SYN3: variants seen among roughly 807,000 people sequenced by gnomAD.
SYN3 encodes the protein synapsin III.
In SYN3, 35 loss-of-function variants were observed where a neutral mutation model predicts 65.8. The observed-to-expected ratio is 0.53, with a 90% CI of 0.41 to 0.70. SYN3 has a LOEUF of 0.70. Ranked by LOEUF, SYN3 falls within the 30% of genes least tolerant of loss-of-function variation. SYN3 has a pLI of 0.00. For missense variants in SYN3, 680 were observed against 749.0 expected (o/e 0.91, Z 1.08); for synonymous variants, 270 against 292.9 (o/e 0.92, Z 0.80).
chr22:32,563,606 C>A (rs952181691), intron 7 of SYN3, among the ~76,000 whole-genome samples: 1 of 152,102 alleles, frequency 6.6e-6, no homozygotes, highest in Non-Finnish European at 1.5e-5. Context: ...GCCGAGAGGA[C>A]CCTGGAAAAG....
chr22:33,034,984 T>A (rs1219879470), intron 1 of SYN3, among the ~76,000 whole-genome samples: 1 of 152,126 alleles, frequency 6.6e-6, no homozygotes, highest in African/African-American at 2.4e-5. Context: ...CCCTTCACCT[T>A]GGGAGCCCAA....
chr22:32,577,215 C>T (rs983854526), intron 7 of SYN3, among the ~76,000 whole-genome samples: 1 of 152,128 alleles, frequency 6.6e-6, no homozygotes, highest in African/African-American at 2.4e-5. Context: ...CTTGCTTGGG[C>T]CTTTATGCTT....
intron 2 of SYN3, among the ~76,000 whole-genome samples, chr22:32,988,336 ATAATAAT>A: frequency 6.9e-6 from 1 of 144,782 alleles, no homozygotes; most frequent in Non-Finnish European, 1.5e-5. Context: ...AATAATAATA[ATAATAAT>A]AATAAAATAA....
At chr22:32,676,524 CTTTCTTTTTTTTTT>C (rs2060444569) in intron 6 of SYN3, among the ~76,000 whole-genome samples, 1 of 108,546 alleles carries the variant, frequency 9.2e-6, no homozygotes, top group Non-Finnish European at 1.9e-5. Flanking sequence ...CTTTTCTTTT[CTTTCTTTTTTTTTT>C]TTTTTTTTTT....
chr22:32,563,105 A>G (rs1448568667), intron 7 of SYN3, among the ~76,000 whole-genome samples: 2 of 152,282 alleles, frequency 1.3e-5, no homozygotes, highest in Non-Finnish European at 2.9e-5. Context: ...ACCGATTGCC[A>G]TAACCTCATT....
chr22:32,535,092 C>T (rs2058141294), intron 9 of SYN3, among the ~76,000 whole-genome samples: 1 of 152,134 alleles, frequency 6.6e-6, no homozygotes, highest in Non-Finnish European at 1.5e-5. Flanking sequence ...GGTTTTAACC[C>T]ATCTTACTGA....
intron 1 of SYN3, among the ~76,000 whole-genome samples, chr22:33,043,946 G>A (rs1052676009): frequency 1.3e-5 from 2 of 151,862 alleles, no homozygotes; most frequent in Non-Finnish European, 1.5e-5. Context: ...CCAGCTACTC[G>A]GGTGGCTGAG....
intron 6 of SYN3, among the ~76,000 whole-genome samples, chr22:32,762,696 G>A (rs2045516109): frequency 6.6e-6 from 1 of 152,234 alleles, no homozygotes; most frequent in East Asian, 1.9e-4. Flanking sequence ...TGGACAGAGC[G>A]AGGTGGGGCG....
chr22:32,772,556 G>T (rs999838078), intron 6 of SYN3, among the ~76,000 whole-genome samples: 1 of 152,080 alleles, frequency 6.6e-6, no homozygotes, highest in African/African-American at 2.4e-5. Flanking sequence ...GCCCATAAAT[G>T]TTAACTTATT....
intron 1 of SYN3, among the ~76,000 whole-genome samples, chr22:33,049,389 C>T (rs906308346): frequency 6.6e-6 from 1 of 152,174 alleles, no homozygotes; most frequent in Non-Finnish European, 1.5e-5. Context: ...TCCACTGCTG[C>T]AGCTAGCTTT....
intron 3 of SYN3, among the ~76,000 whole-genome samples, chr22:32,956,899 G>A (rs1453283528): frequency 2.6e-5 from 4 of 152,160 alleles, no homozygotes; most frequent in African/African-American, 7.2e-5. Context: ...TCCCACATCA[G>A]TGCACAAAGG....
chr22:32,863,524 C>G (rs1477801641), intron 6 of SYN3, among the ~76,000 whole-genome samples: 1 of 152,176 alleles, frequency 6.6e-6, no homozygotes, highest in Non-Finnish European at 1.5e-5. Flanking sequence ...GTGACCTTTT[C>G]CCAGAGCTTA....
At chr22:32,696,447 A>G (rs1183886072) in intron 6 of SYN3, among the ~76,000 whole-genome samples, 1 of 152,190 alleles carries the variant, frequency 6.6e-6, no homozygotes, top group Non-Finnish European at 1.5e-5. Context: ...GCCATTTTCT[A>G]GTTGTATTGA....
At chr22:32,952,025 G>A (rs1317482068) in intron 3 of SYN3, among the ~76,000 whole-genome samples, 1 of 152,196 alleles carries the variant, frequency 6.6e-6, no homozygotes. Flanking sequence ...TTAGCTTGCT[G>A]GTCCTGGGGG....
At chr22:32,832,982 C>T (rs1447223139) in intron 6 of SYN3, among the ~76,000 whole-genome samples, 1 of 152,184 alleles carries the variant, frequency 6.6e-6, no homozygotes, top group Non-Finnish European at 1.5e-5. Flanking sequence ...ATTCACCTGC[C>T]TCGACCTCCC....
chr22:32,747,099 T>C (rs1046370841), intron 6 of SYN3, among the ~76,000 whole-genome samples: 2 of 152,194 alleles, frequency 1.3e-5, no homozygotes, highest in African/African-American at 4.8e-5. Context: ...CATTTTCTAC[T>C]TTACATAATA....
intron 3 of SYN3, among the ~76,000 whole-genome samples, chr22:32,964,187 A>C (rs2051748893): frequency 6.6e-6 from 1 of 150,404 alleles, no homozygotes; most frequent in Admixed American, 6.6e-5. Context: ...AGGACAAAAA[A>C]CCAAACACCG....
In SYN3 at chr22:32,525,870, C is replaced by T. The variant is rs148811996; in HGVS notation, c.1318+2048G>A. Among the ~76,000 whole-genome samples, 1,274 of 152,292 alleles carry T rather than the reference C, an allele frequency of 8.4e-3. 29 individuals carry two copies. The highest frequency in any genetic ancestry group is 0.029 in the African/African-American group (1,200 of 41,548). ...GGTAAAATGCTATCACACAGCATCA[C>T]GTACTGCAGAGAAATCTTGTGTGAA... On this transcript the variant is annotated intron_variant, in intron 12 of 13. Transcript: ENST00000358763.
intron 1 of SYN3, among the ~76,000 whole-genome samples, chr22:33,027,973 C>T (rs1174297285): frequency 6.6e-6 from 1 of 152,230 alleles, no homozygotes; most frequent in Non-Finnish European, 1.5e-5. Context: ...ACACTCTTTG[C>T]ATCTAACAGA....
Sources: allele counts gnomAD v4.1 joint callset (sites outside exome capture counted in the v4.1 genomes callset), GRCh38; gene constraint gnomAD v4.1.1; transcripts MANE v1.5; gene names NCBI Gene and HGNC (gene_info 2026-07-23, HGNC 2026-07-21).